The following AGAP1 variants were observed in gnomAD, a reference collection of about 807,000 sequenced individuals.
AGAP1 encodes the protein arf-GAP with GTPase, ANK repeat and PH domain-containing protein 1.
In AGAP1, 29 loss-of-function variants were observed where a neutral mutation model predicts 105.3. That is an observed-to-expected ratio of 0.28 (90% CI 0.21 to 0.38). AGAP1 has a LOEUF of 0.38. AGAP1 is among the 10% of genes least tolerant of loss of function. The pLI is 1.00. For synonymous variants in AGAP1, 509 were observed against 485.9 expected (o/e 1.05, Z -0.63); for missense variants, 998 against 1,165.1 (o/e 0.86, Z 2.09).
At chr2:235,767,429 G>A (rs1955054955) in intron 6 of AGAP1, among the ~76,000 whole-genome samples, 1 of 152,076 alleles carries the variant, frequency 6.6e-6, no homozygotes, top group South Asian at 2.1e-4. Context: ...CTGGGGGTCC[G>A]GCCCACACCA....
In AGAP1 at chr2:235,589,189, G is replaced by GTTTTTTTTTTTTTTTT. The variant is rs1205771315; in HGVS notation, c.163+94344_163+94345insTTTTTTTTTTTTTTTT. ...GAGAACTACCAGTTAATAGCTTATT[G>GTTTTTTTTTTTTTTTT]TTTTGTTTTTTTTTTTTTTTTTTTT... is the stretch of plus-strand genomic sequence containing the variant. On this transcript the variant is annotated intron_variant, in intron 1 of 17. Transcript: ENST00000304032. 1.1e-4 allele frequency among the ~76,000 whole-genome samples: 6 copies of GTTTTTTTTTTTTTTTT among 54,924 alleles called. 2 individuals are homozygous for GTTTTTTTTTTTTTTTT. The highest frequency in any genetic ancestry group is 1.7e-4 in the Non-Finnish European group (4 of 23,254). 36.0% of individuals were successfully genotyped at this position (54,924 alleles called of 152,430 possible).
At chr2:235,929,593 G>T (rs188891190) in intron 11 of AGAP1, among the ~76,000 whole-genome samples, 2 of 151,120 alleles carry the variant, frequency 1.3e-5, no homozygotes, top group African/African-American at 2.4e-5. Flanking sequence ...CGTACACTAC[G>T]CTTCAGCTCG....
At chr2:235,529,829 G>C (rs1382734958) in intron 1 of AGAP1, among the ~76,000 whole-genome samples, 5 of 152,202 alleles carry the variant, frequency 3.3e-5, no homozygotes, top group African/African-American at 1.2e-4. Flanking sequence ...GTGGTTGGGA[G>C]GAGAGCTTGG....
At chr2:235,694,468 G>C (rs1463197404) in intron 1 of AGAP1, among the ~76,000 whole-genome samples, 4 of 143,320 alleles carry the variant, frequency 2.8e-5, no homozygotes, top group African/African-American at 1.1e-4. Context: ...GACAGAGCGA[G>C]ACTCTGTCTC....
At chr2:235,532,336 C>T (rs1301695780) in intron 1 of AGAP1, among the ~76,000 whole-genome samples, 2 of 152,204 alleles carry the variant, frequency 1.3e-5, no homozygotes, top group Non-Finnish European at 2.9e-5. Context: ...CTCACCTCCA[C>T]CTCCCAAATA....
Position 235,930,767 on chromosome 2 carries a change from A to T in AGAP1, c.1327A>T (p.Asn443Tyr). 1 of 1,613,412 alleles carries T rather than the reference A, an allele frequency of 6.2e-7. No homozygotes were observed. The highest frequency in any genetic ancestry group is 8.5e-7 in the Non-Finnish European group (1 of 1,179,806). ...TCACCTGACTTGTTTATTCCTAGGG[A>T]ATGTCACTAGTGCATCTGGGTCTCA... is the stretch of plus-strand genomic sequence containing the variant. ...SSLHISPNSG[N>Y]VTSASGSQMA... Residue 443 changes from asparagine (N) to tyrosine (Y), a missense_variant and splice_region_variant, in exon 12 of 18, where the codon AAT becomes TAT. Transcript: ENST00000304032. This position sits in a 1 kb window ranked among gnomAD's most constrained non-coding sequence, Gnocchi z 7.9.
In AGAP1 at chr2:235,967,072, G is replaced by A. The variant is rs982874721; in HGVS notation, c.1484-1390G>A. On this transcript the variant is annotated intron_variant, in intron 12 of 17. Transcript: ENST00000304032. The surrounding 1 kb of genome is among the most constrained non-coding windows in gnomAD (Gnocchi z 4.7). ...TCCCCATTCCCCCCAAAGCACAGGC[G>A]AGGGTCCTCACGGTGGCCCGCAAGC... 9.2e-5 allele frequency among the ~76,000 whole-genome samples: 14 copies of A among 152,000 alleles called. No homozygotes were observed. Among genetic ancestry groups the A allele is most frequent in the African/African-American group, 2.2e-4 (9 of 41,470 alleles).
chr2:235,798,415 C>G (rs920002130), intron 7 of AGAP1, among the ~76,000 whole-genome samples: 3 of 152,130 alleles, frequency 2.0e-5, no homozygotes, highest in Non-Finnish European at 4.4e-5. Context: ...AAACAGTTGA[C>G]TTTGTTTTTG....
Position 235,747,510 on chromosome 2 carries a change from C to T in AGAP1, c.538+2671C>T, listed in dbSNP as rs964916116. On this transcript the variant is annotated intron_variant, in intron 5 of 17. Transcript: ENST00000304032. This position sits in a 1 kb window ranked among gnomAD's most constrained non-coding sequence, Gnocchi z 5.0. ...GCAGGTAAGCGGGCCCCATGCCCTC[C>T]CTGCAGGACTCCTCTTAGCTGGGCC... Among the ~76,000 whole-genome samples, 2 of 152,124 alleles carry T rather than the reference C, an allele frequency of 1.3e-5. No homozygotes were observed. Among genetic ancestry groups the T allele is most frequent in the Non-Finnish European group, 2.9e-5 (2 of 68,018 alleles).
At position 235,789,532 on chromosome 2, in the gene AGAP1, T is replaced by C. The variant is rs1374598656; in HGVS notation, c.674-8227T>C. Among the ~76,000 whole-genome samples the C allele has an allele frequency of 6.6e-6, 1 of 152,208 alleles. No individual in the cohort carries two copies. The highest frequency in any genetic ancestry group is 2.4e-5 in the African/African-American group (1 of 41,450). On this transcript the variant is annotated intron_variant, in intron 6 of 17. Coordinates refer to ENST00000304032, the MANE Select transcript of AGAP1 (RefSeq NM_001037131.3). This position sits in a 1 kb window ranked among gnomAD's most constrained non-coding sequence, Gnocchi z 4.2. ...AGATTAAGAATTCAGACTTCAGTAC[T>C]TCAGGAAAAACTTAAAAGCTTCACT...
chr2:235,494,872 G>T, intron 1 of AGAP1, 23 bp downstream of exon 1: 1 of 1,541,212 alleles, frequency 6.5e-7, no homozygotes, highest in Non-Finnish European at 8.8e-7. Flanking sequence ...CCGCCTTGGG[G>T]CCTCGGGAAG....
rs1400699576 is a variant in AGAP1, at chr2:235,620,636, C to T, written c.164-88543C>T. Among the ~76,000 whole-genome samples, 2 of 152,180 alleles carry T rather than the reference C, an allele frequency of 1.3e-5. No homozygotes were observed. The highest frequency in any genetic ancestry group is 2.9e-5 in the Non-Finnish European group (2 of 68,038). On this transcript the variant is annotated intron_variant, in intron 1 of 17. Transcript: ENST00000304032. The surrounding 1 kb of genome is among the most constrained non-coding windows in gnomAD (Gnocchi z 4.5). ...ACAGCCCCTCCTCCTCACCTCCTCA[C>T]CTGCTTCCTATTTCCCCATAAACCC...
At chr2:235,726,789 A>G (rs1951669833) in intron 3 of AGAP1, among the ~76,000 whole-genome samples, 1 of 152,204 alleles carries the variant, frequency 6.6e-6, no homozygotes, top group African/African-American at 2.4e-5. Context: ...GGTTAGCTAA[A>G]ATAGAAAGGC....
intron 1 of AGAP1, among the ~76,000 whole-genome samples, chr2:235,605,894 G>A (rs1945918059): frequency 6.6e-6 from 1 of 152,192 alleles, no homozygotes; most frequent in Admixed American, 6.5e-5. Context: ...GCTGCAGTGT[G>A]GTGGTGAACA....
intron 6 of AGAP1, chr2:235,774,165 C>A: frequency 2.6e-6 from 1 of 379,328 alleles, no homozygotes. Flanking sequence ...TAAATAAATG[C>A]CCTTATTCTT....
intron 6 of AGAP1, among the ~76,000 whole-genome samples, chr2:235,761,730 C>T (rs1028328785): frequency 6.6e-6 from 1 of 152,154 alleles, no homozygotes; most frequent in African/African-American, 2.4e-5. Flanking sequence ...TATTACTTAA[C>T]TAGGATAGTC....
intron 1 of AGAP1, among the ~76,000 whole-genome samples, chr2:235,627,770 G>T (rs528125742): frequency 6.6e-5 from 10 of 152,250 alleles, no homozygotes; most frequent in Middle Eastern, 3.4e-3. Context: ...TGGGGCTCAT[G>T]TCTATTGCTG....
At chr2:235,618,981 A>C (rs1390523285) in intron 1 of AGAP1, among the ~76,000 whole-genome samples, 2 of 152,180 alleles carry the variant, frequency 1.3e-5, no homozygotes, top group Non-Finnish European at 2.9e-5. Context: ...AGAGTCACAG[A>C]AGGAGATGTG....
At chr2:236,010,036 A>G (rs1299195899) in intron 13 of AGAP1, among the ~76,000 whole-genome samples, 1 of 152,100 alleles carries the variant, frequency 6.6e-6, no homozygotes, top group East Asian at 1.9e-4. Flanking sequence ...ACAAAGAGCC[A>G]GTCAAAAGAG....
Sources: gnomAD v4.1 joint callset for allele counts (sites outside exome capture counted in the v4.1 genomes callset) on GRCh38, gnomAD v4.1.1 for gene constraint, Gnocchi (gnomAD v3.1) non-coding constraint, MANE v1.5 for transcripts, NCBI Gene and HGNC (gene_info 2026-07-23, HGNC 2026-07-21) for gene names.